PTK2: variants seen among roughly 807,000 people sequenced by gnomAD.
PTK2 encodes the protein protein tyrosine kinase 2.
Under a neutral mutation model 150.1 loss-of-function variants are expected in PTK2, and 45 were observed. The ratio of observed to expected loss-of-function variants is 0.30; its 90% CI spans 0.24 to 0.38. The LOEUF is 0.38. Among genes scored for constraint, PTK2 ranks in the 10% least tolerant of loss-of-function variants. The pLI is 1.00. For missense variants in PTK2, 919 were observed against 1,307.3 expected, an observed-to-expected ratio of 0.70 and a Z score of 4.58; for synonymous variants, 432 against 449.2, an observed-to-expected ratio of 0.96 and a Z score of 0.48.
chr8:140,795,281 A>G (rs2100090904), intron 12 of PTK2, among the ~76,000 whole-genome samples: 1 of 152,102 alleles, frequency 6.6e-6, no homozygotes, highest in Non-Finnish European at 1.5e-5. Context: ...GGCTTCCCAA[A>G]TCACTTGAGT....
At chr8:140,883,191 CT>C (rs2100150205) in intron 3 of PTK2, among the ~76,000 whole-genome samples, 2 of 152,194 alleles carry the variant, frequency 1.3e-5, no homozygotes, top group South Asian at 4.1e-4. Context: ...CTTTCATAAA[CT>C]GTTCATTCAT....
intron 5 of PTK2, among the ~76,000 whole-genome samples, chr8:140,847,894 T>C (rs2100126614): frequency 6.6e-6 from 1 of 152,150 alleles, no homozygotes; most frequent in African/African-American, 2.4e-5. Flanking sequence ...ACACCAATCT[T>C]TGTCTACTTC....
intron 1 of PTK2, among the ~76,000 whole-genome samples, chr8:140,931,398 T>C (rs2100171703): frequency 6.6e-6 from 1 of 151,538 alleles, no homozygotes; most frequent in African/African-American, 2.4e-5. Flanking sequence ...CCCAACTCTA[T>C]AAAAAAATAC....
intron 1 of PTK2, among the ~76,000 whole-genome samples, chr8:140,929,213 C>A (rs1284741159): frequency 1.3e-5 from 2 of 151,774 alleles, no homozygotes; most frequent in African/African-American, 4.8e-5. Flanking sequence ...GATCCGCCCG[C>A]CTCGGCCTCC....
At chr8:140,792,842 T>C (rs917292982) in intron 13 of PTK2, among the ~76,000 whole-genome samples, 6 of 152,242 alleles carry the variant, frequency 3.9e-5, no homozygotes, top group African/African-American at 1.4e-4. Flanking sequence ...TATCTGATTG[T>C]TTAGATTTTA....
chr8:140,957,400 G>A (rs1293019908), intron 1 of PTK2, among the ~76,000 whole-genome samples: 1 of 152,170 alleles, frequency 6.6e-6, no homozygotes, highest in Non-Finnish European at 1.5e-5. Flanking sequence ...TCTGTTGTAA[G>A]CTAAGTGTTA....
At chr8:140,944,014 A>G (rs2154608923) in intron 1 of PTK2, among the ~76,000 whole-genome samples, 1 of 152,308 alleles carries the variant, frequency 6.6e-6, no homozygotes, top group African/African-American at 2.4e-5. Context: ...TTTGGAATTC[A>G]TGAGTACTGG....
At chr8:140,911,601 T>A (rs2154608003) in intron 2 of PTK2, among the ~76,000 whole-genome samples, 1 of 152,314 alleles carries the variant, frequency 6.6e-6, no homozygotes, top group South Asian at 2.1e-4. Flanking sequence ...CATACATACA[T>A]ATGTGTGTAC....
At chr8:140,885,996 C>T (rs1364064647) in intron 3 of PTK2, among the ~76,000 whole-genome samples, 1 of 152,002 alleles carries the variant, frequency 6.6e-6, no homozygotes, top group African/African-American at 2.4e-5. Flanking sequence ...GATACCATGC[C>T]ATAATGTATG....
chr8:140,888,697 T>C (rs1401303695), intron 3 of PTK2, among the ~76,000 whole-genome samples: 1 of 152,236 alleles, frequency 6.6e-6, no homozygotes, highest in Admixed American at 6.5e-5. Flanking sequence ...TGCAGAAAGT[T>C]TGATACTAAA....
At chr8:140,752,416 G>T in intron 16 of PTK2, 100 bp from the exon 20 acceptor site, 1 of 998,660 alleles carries the variant, frequency 1.0e-6, no homozygotes, top group Non-Finnish European at 1.5e-6. Flanking sequence ...TGTGGGTTAT[G>T]GACCAGACAG....
intron 14 of PTK2, among the ~76,000 whole-genome samples, chr8:140,773,804 T>C (rs1191641443): frequency 6.6e-6 from 1 of 152,124 alleles, no homozygotes; most frequent in Non-Finnish European, 1.5e-5. Flanking sequence ...GTTCCTACAT[T>C]GTTTCACAAA....
intron 4 of PTK2, among the ~76,000 whole-genome samples, chr8:140,871,035 A>T (rs985811727): frequency 7.2e-5 from 11 of 152,198 alleles, no homozygotes; most frequent in Non-Finnish European, 1.5e-4. Flanking sequence ...AAAGCTCCCT[A>T]CAACAAAGAA....
chr8:140,699,783 A>G (rs1002529569), intron 26 of PTK2, among the ~76,000 whole-genome samples: 1 of 152,220 alleles, frequency 6.6e-6, no homozygotes, highest in African/African-American at 2.4e-5. Flanking sequence ...AGATAATTAA[A>G]AAAGCAAATA....
intron 5 of PTK2, among the ~76,000 whole-genome samples, chr8:140,852,963 T>C (rs769962407): frequency 4.0e-4 from 61 of 152,230 alleles, no homozygotes; most frequent in Non-Finnish European, 8.1e-4. Flanking sequence ...CGGCCACAAT[T>C]TGACCACCAA....
chr8:140,819,116 T>TA, intron 8 of PTK2, 96 bp from the exon 9 acceptor site: 1 of 1,232,262 alleles, frequency 8.1e-7, no homozygotes, highest in East Asian at 2.5e-5. Flanking sequence ...AACTACTTAC[T>TA]AACACCTACA....
In PTK2 at chr8:140,916,732, C is replaced by T. The variant is rs115482166; in HGVS notation, c.-33+8929G>A. The stretch of plus-strand genomic sequence containing the variant: ...AAAAATTACACAAAAAAGAAAATTC[C>T]GTTATGATCCTACCATTTTTCTATT... On this transcript the variant is annotated intron_variant, in intron 2 of 31. Transcript: ENST00000522684. Among the ~76,000 whole-genome samples the T allele has an allele frequency of 7.7e-3, 1,178 of 152,198 alleles. 12 individuals are homozygous for T. The highest frequency in any genetic ancestry group is 0.026 in the African/African-American group (1,089 of 41,532).
At chr8:140,664,934 C>T (rs2088229981) in exon 31 of PTK2, 1 of 1,606,608 alleles carries the variant, frequency 6.2e-7, no homozygotes, top group Admixed American at 1.7e-5. Context: ...TGGGTGCTGG[C>T]TGGTAGGAGG....
At chr8:140,753,822 C>T (rs2100064125) in intron 16 of PTK2, among the ~76,000 whole-genome samples, 1 of 152,074 alleles carries the variant, frequency 6.6e-6, no homozygotes, top group South Asian at 2.1e-4. Flanking sequence ...CCTGTTTTGT[C>T]AAAAAATCCC....
Sources: allele counts gnomAD v4.1 joint callset (sites outside exome capture counted in the v4.1 genomes callset), GRCh38; gene constraint gnomAD v4.1.1; transcripts MANE v1.5; gene names NCBI Gene and HGNC (gene_info 2026-07-23, HGNC 2026-07-21).